The following NACA variants were observed in gnomAD, a reference collection of about 807,000 sequenced individuals.
NACA encodes the protein nascent polypeptide-associated complex subunit alpha.
Under a neutral mutation model 86.4 loss-of-function variants are expected in NACA, and 42 were observed. The ratio of observed to expected loss-of-function variants is 0.49; its 90% CI spans 0.38 to 0.63. NACA has a LOEUF of 0.63. NACA is among the 20% of genes least tolerant of loss of function. The pLI is 0.00. For synonymous variants in NACA, 898 were observed against 973.7 expected, an observed-to-expected ratio of 0.92 and a Z score of 1.45; for missense variants, 2,157 against 2,483.6, an observed-to-expected ratio of 0.87 and a Z score of 2.80.
At position 56,721,358 on chromosome 12, in the gene NACA, G is replaced by A; in HGVS notation, c.172C>T (p.Leu58Phe). The A allele has an allele frequency of 6.2e-7, 1 of 1,606,464 alleles. No homozygotes were observed. The highest frequency in any genetic ancestry group is 1.1e-5 in the South Asian group (1 of 90,142). ...GGGGAAGCCTGGTTAGCAGCTGAGA[G>A]AGGGCACTGTTGTGGGGCAGGAGAG... ...PCSPAPQQCP[L>F]SAANQASPFP... is the part of the protein sequence containing the mutation. The change falls in exon 3 of 9, where the codon CTC (leucine) becomes TTC (phenylalanine). Residue 58 changes from leucine (L) to phenylalanine (F), a missense_variant. By Grantham distance (22) the Leu-to-Phe change is conservative. Coordinates refer to ENST00000454682, the MANE Select transcript of NACA (RefSeq NM_001365896.1).
rs1380739745 is a variant in NACA, at chr12:56,713,133, C to T, written c.6028G>A (p.Gly2010Ser). ...LAAAEKFKVQ[G>S]EAVSNIQENT... ...TCTTGAATGTTTGAGACAGCTTCAC[C>T]TTGAACTTTGAATTTCTCAGCAGCT... Residue 2010 changes from glycine (G) to serine (S), a missense_variant, in exon 7 of 9, where the codon GGT becomes AGT. Gly to Ser is a moderately conservative substitution (Grantham distance 56). Around this residue, in one of 8 missense-constraint regions of NACA, gnomAD observed 81 missense variants for 200.6 expected, o/e 0.40. Coordinates refer to ENST00000454682, the MANE Select transcript of NACA (RefSeq NM_001365896.1). 3.7e-6 allele frequency: 6 copies of T among 1,613,960 alleles called. No homozygotes were observed. The Admixed American group carries it at 8.3e-5, about 22-fold the overall frequency.
rs763092775 is a variant in NACA, at chr12:56,721,180, G to A, written c.350C>T (p.Ala117Val). The change falls in exon 3 of 9, where the codon GCT (alanine) becomes GTT (valine). Residue 117 changes from alanine (A) to valine (V), a missense_variant. Transcript: ENST00000454682. ...TGGAGCTATCATGGGAGAGGCTAGAGCTAAGGCAGCTGGGGAGATGGGAGG... is the reference window on the plus strand; with the variant it reads ...TGGAGCTATCATGGGAGAGGCTAGAACTAAGGCAGCTGGGGAGATGGGAGG... ...IGPPISPAAL[A>V]LASPMIAPTL... is the part of the protein sequence containing the mutation. 4 of 1,613,864 alleles carry A rather than the reference G, an allele frequency of 2.5e-6. No individual in the cohort carries two copies. Among genetic ancestry groups the A allele is most frequent in the East Asian group, 4.5e-5 (2 of 44,890 alleles).
In NACA at chr12:56,719,471, T is replaced by G. The variant is rs1235070295; in HGVS notation, c.2059A>C (p.Asn687His). The G allele has an allele frequency of 5.0e-6, 8 of 1,613,698 alleles. No individual in the cohort carries two copies. Among genetic ancestry groups the G allele is most frequent in the Non-Finnish European group, 6.8e-6 (8 of 1,179,818 alleles). The change falls in exon 3 of 9, where the codon AAC becomes CAC. Residue 687 changes from asparagine (N) to histidine (H), a missense_variant. By Grantham distance (68) the Asn-to-His change is moderately conservative. Around this residue, in one of 8 missense-constraint regions of NACA, gnomAD observed 947 missense variants for 917.9 expected, o/e 1.03. Transcript: ENST00000454682. ...AGAGTACCTTCCTTAACTGGGTGGT[T>G]TTTAGGAGCTAAAGAGACAGTTCCT... ...LEGTVSLAPK[N>H]HPVKEGTLTT...
chr12:56,722,851 G>C (rs939601365), intron 2 of NACA, among the ~76,000 whole-genome samples: 1 of 118,740 alleles, frequency 8.4e-6, no homozygotes, highest in African/African-American at 3.2e-5. Context: ...CACAGAATTG[G>C]ATCAACAAAT....
In NACA at chr12:56,712,441, A is replaced by G; in HGVS notation, c.*97T>C. On this transcript the variant is annotated 3_prime_UTR_variant, in exon 9 of 9. Coordinates refer to ENST00000454682, the MANE Select transcript of NACA (RefSeq NM_001365896.1). ...CAGTCACCGACTGAATTCATCCAAC[A>G]AGAAGCCATAACTTTATTTATGATA... is the stretch of plus-strand genomic sequence containing the variant. 1.5e-6 allele frequency: 2 copies of G among 1,301,518 alleles called. No homozygotes were observed. Among genetic ancestry groups the G allele is most frequent in the Non-Finnish European group, 2.2e-6 (2 of 920,430 alleles). The allele number at this position is 1,301,518 out of a possible 1,614,324, so 80.6% of individuals were successfully genotyped here. A position where few individuals can be genotyped will look rare whatever the true frequency, so the allele number is the denominator to read the frequency against.
In NACA at chr12:56,718,870, G is replaced by A. The variant is rs780117383; in HGVS notation, c.2660C>T (p.Thr887Ile). The change falls in exon 3 of 9, where the codon ACT becomes ATT. Residue 887 changes from threonine (T) to isoleucine (I), a missense_variant. Thr to Ile is a moderately conservative substitution (Grantham distance 89). Coordinates refer to ENST00000454682, the MANE Select transcript of NACA (RefSeq NM_001365896.1). ...GAAGGGCAGATTCACCACTGAAGGA[G>A]TGGGGGTCTCTTTGGGGGGTAGTGT... ...GVTLPPKETPTPSVVNLPFPK... is the reference protein window; with the variant it reads ...GVTLPPKETPIPSVVNLPFPK... 67 of 1,426,618 alleles carry A rather than the reference G, an allele frequency of 4.7e-5. No individual in the cohort carries two copies. The highest frequency in any genetic ancestry group is 3.9e-4 in the Middle Eastern group (2 of 5,130). 88.4% of individuals were successfully genotyped at this position (1,426,618 alleles called of 1,614,324 possible). A position where few individuals can be genotyped will look rare whatever the true frequency, so the allele number is the denominator to read the frequency against.
chr12:56,715,846 G>A (rs1192731374), intron 3 of NACA, 25 bp downstream of exon 3: 2 of 1,503,554 alleles, frequency 1.3e-6, no homozygotes, highest in African/African-American at 2.8e-5. Context: ...GACACACCAT[G>A]CACACGGCAA....
rs1206090406 is a variant in NACA at position 56,719,474 on chromosome 12, T to C, written c.2056A>G (p.Lys686Glu). 2 of 1,613,738 alleles carry C rather than the reference T, an allele frequency of 1.2e-6. No homozygotes were observed. Among genetic ancestry groups the C allele is most frequent in the African/African-American group, 1.3e-5 (1 of 74,908 alleles). Residue 686 changes from lysine (K) to glutamate (E), a missense_variant, in exon 3 of 9, where the codon AAA (lysine) becomes GAA (glutamate). Physicochemically the swap from Lys to Glu is moderately conservative, Grantham distance 56 (BLOSUM62 1). Coordinates refer to ENST00000454682, the MANE Select transcript of NACA (RefSeq NM_001365896.1). ...GTACCTTCCTTAACTGGGTGGTTTT[T>C]AGGAGCTAAAGAGACAGTTCCTTCT... is the stretch of plus-strand genomic sequence containing the variant. ...FLEGTVSLAP[K>E]NHPVKEGTLT...
At position 56,717,197 on chromosome 12, in the gene NACA, T is replaced by C. The variant is rs755171167; in HGVS notation, c.4333A>G (p.Lys1445Glu). ...PPAVTPVSLK[K>E]APATSAPKGG... is the part of the protein sequence containing the mutation. ...TTGGGGGCTGAAGTTGCTGGGGCCT[T>C]TTTGAGGGAGACAGGAGTCACTGCT... The change falls in exon 3 of 9, where the codon AAG (lysine) becomes GAG (glutamate). Residue 1445 changes from lysine to glutamate, a missense_variant. Around this residue, in one of 8 missense-constraint regions of NACA, gnomAD observed 797 missense variants for 777.6 expected, o/e 1.02. Coordinates refer to ENST00000454682, the MANE Select transcript of NACA (RefSeq NM_001365896.1). 7 of 1,229,978 alleles carry C rather than the reference T, an allele frequency of 5.7e-6. No homozygotes were observed. The South Asian group carries it at 1.2e-4, about 22-fold the overall frequency. 76.2% of individuals were successfully genotyped at this position (1,229,978 alleles called of 1,614,324 possible).
chr12:56,713,353 G>C (rs1356132111), intron 6 of NACA, 163 bp from the exon 7 acceptor site: 1 of 1,216,010 alleles, frequency 8.2e-7, no homozygotes, highest in East Asian at 2.5e-5. Context: ...GTTTAGAGCA[G>C]TGGTTCTCAA....
In NACA at chr12:56,721,220, G is replaced by A; in HGVS notation, c.310C>T (p.Pro104Ser). The A allele has an allele frequency of 6.2e-7, 1 of 1,613,844 alleles. No homozygotes were observed. The highest frequency in any genetic ancestry group is 8.5e-7 in the Non-Finnish European group (1 of 1,179,806). ...GTAPEAPTFL[P>S]NLIGPPISPA... is the part of the protein sequence containing the mutation. ...GAGATGGGAGGCCCTATTAGGTTTG[G>A]TAGGAAGGTTGGGGCTTCAGGGGCA... is the stretch of plus-strand genomic sequence containing the variant. The change falls in exon 3 of 9, where the codon CCA becomes TCA. Residue 104 changes from proline (P) to serine (S), a missense_variant. Physicochemically the swap from Pro to Ser is moderately conservative, Grantham distance 74 (BLOSUM62 -1). Coordinates refer to ENST00000454682, the MANE Select transcript of NACA (RefSeq NM_001365896.1).
rs764359969 is a variant in NACA, at chr12:56,718,706, G to A, written c.2824C>T (p.Pro942Ser). The part of the protein sequence containing the change: ...ASPSPKGAPT[P>S]PAATPPSPKG... ...GGGGAGGGAGGAGTTGCAGCTGGGGGTGTGGGGGCCCCTTTGGGGGATGGG... is the reference window on the plus strand; with the variant it reads ...GGGGAGGGAGGAGTTGCAGCTGGGGATGTGGGGGCCCCTTTGGGGGATGGG... The change falls in exon 3 of 9, where the codon CCC becomes TCC. Residue 942 changes from proline to serine, a missense_variant. Physicochemically the swap from Pro to Ser is moderately conservative, Grantham distance 74. Coordinates refer to ENST00000454682, the MANE Select transcript of NACA (RefSeq NM_001365896.1). 2.1e-6 allele frequency: 3 copies of A among 1,415,524 alleles called. No individual in the cohort carries two copies. Among genetic ancestry groups the A allele is most frequent in the Non-Finnish European group, 2.8e-6 (3 of 1,058,078 alleles). The allele number at this position is 1,415,524 out of a possible 1,614,324, so 87.7% of individuals were successfully genotyped here. A position where few individuals can be genotyped will look rare whatever the true frequency, so the allele number is the denominator to read the frequency against.
In NACA at chr12:56,717,178, G is replaced by T; in HGVS notation, c.4352C>A (p.Ala1451Asp). ...TGGGGTAGCTGGGCCTCCTTTGGGG[G>T]CTGAAGTTGCTGGGGCCTTTTTGAG... ...VSLKKAPATS[A>D]PKGGPATPSS... Residue 1451 changes from alanine to aspartate, a missense_variant, in exon 3 of 9, where the codon GCC becomes GAC. By Grantham distance (126) the Ala-to-Asp change is moderately radical. Coordinates refer to ENST00000454682, the MANE Select transcript of NACA (RefSeq NM_001365896.1). 2 of 1,298,238 alleles carry T rather than the reference G, an allele frequency of 1.5e-6. No individual in the cohort carries two copies. The highest frequency in any genetic ancestry group is 2.0e-6 in the Non-Finnish European group (2 of 1,002,100). 80.4% of individuals were successfully genotyped at this position (1,298,238 alleles called of 1,614,324 possible).
chr12:56,714,050 T>C, intron 5 of NACA: 1 of 383,048 alleles, frequency 2.6e-6, no homozygotes, highest in South Asian at 3.1e-5. Context: ...TTTCGCCATG[T>C]TGGCCAGGCT....
In NACA at chr12:56,721,149, C is replaced by T; in HGVS notation, c.381G>A (p.Leu127=). Residue 127 remains leucine, a synonymous_variant, in exon 3 of 9, where the codon CTG becomes CTA. Coordinates refer to ENST00000454682, the MANE Select transcript of NACA (RefSeq NM_001365896.1). ...ALASPMIAPT[L]KGTPSSSAPL... ...GAGCTGAAGAGGAAGGGGTCCCTTT[C>T]AGAGTTGGAGCTATCATGGGAGAGG... The T allele has an allele frequency of 6.2e-7, 1 of 1,613,822 alleles. No individual in the cohort carries two copies. Among genetic ancestry groups the T allele is most frequent in the East Asian group, 2.2e-5 (1 of 44,882 alleles).
chr12:56,712,647 C>T (rs1257873284), intron 8 of NACA, 95 bp from the exon 9 acceptor site: 2 of 1,590,848 alleles, frequency 1.3e-6, no homozygotes, highest in Non-Finnish European at 1.7e-6. Context: ...AGAATTTAGG[C>T]CACTAAAACC....
intron 2 of NACA, among the ~76,000 whole-genome samples, chr12:56,721,765 A>G (rs1174466061): frequency 6.6e-6 from 1 of 152,194 alleles, no homozygotes; most frequent in Non-Finnish European, 1.5e-5. Context: ...CTAAATGGGG[A>G]GCACAGACTC....
chr12:56,718,885 G>T lies in NACA; in HGVS notation c.2645C>A (p.Pro882His), dbSNP rs1016386170. The T allele has an allele frequency of 6.3e-6, 9 of 1,428,712 alleles. No homozygotes were observed. Among genetic ancestry groups the T allele is most frequent in the Non-Finnish European group, 8.5e-6 (9 of 1,063,040 alleles). The allele number at this position is 1,428,712 out of a possible 1,614,324, so 88.5% of individuals were successfully genotyped here. A position where few individuals can be genotyped will look rare whatever the true frequency, so the allele number is the denominator to read the frequency against. Residue 882 changes from proline to histidine, a missense_variant, in exon 3 of 9, where the codon CCC becomes CAC. Physicochemically the swap from Pro to His is moderately conservative, Grantham distance 77 (BLOSUM62 -2). Around this residue, in one of 8 missense-constraint regions of NACA, gnomAD observed 174 missense variants for 217.0 expected, o/e 0.80. Transcript: ENST00000454682. Reference protein sequence around the residue: ...PLSPKGVTLPPKETPTPSVVN... With the variant: ...PLSPKGVTLPHKETPTPSVVN... ...CACTGAAGGAGTGGGGGTCTCTTTG[G>T]GGGGTAGTGTTACTCCTTTGGGAGA...
At chr12:56,723,626 TC>T (rs1460822831) in intron 2 of NACA, among the ~76,000 whole-genome samples, 5 of 151,698 alleles carry the variant, frequency 3.3e-5, no homozygotes, top group African/African-American at 1.2e-4. Flanking sequence ...CTACTGTAAC[TC>T]CAAAAAGGGA....
Sources: allele counts gnomAD v4.1 joint callset (sites outside exome capture counted in the v4.1 genomes callset), GRCh38; gene constraint gnomAD v4.1.1; regional missense constraint gnomAD v4.1.1; transcripts MANE v1.5; gene names NCBI Gene and HGNC (gene_info 2026-07-23, HGNC 2026-07-21).